The following RTKN2 variants were observed in gnomAD, a reference collection of about 807,000 sequenced individuals.
The protein encoded by RTKN2 is rhotekin 2.
In RTKN2, 69 loss-of-function variants were observed where a neutral mutation model predicts 71.5. The observed-to-expected ratio is 0.96, with a 90% CI of 0.79 to 1.18. The LOEUF (loss-of-function observed/expected upper bound fraction) is 1.18. RTKN2 is among the 50% of genes most tolerant of loss of function. RTKN2 has a pLI of 0.00. For synonymous variants in RTKN2, 236 were observed against 236.5 expected (o/e 1.00, Z 0.02); for missense variants, 724 against 719.7 (o/e 1.01, Z -0.07).
intron 7 of RTKN2, among the ~76,000 whole-genome samples, chr10:62,222,300 T>G (rs1239999615): frequency 6.6e-6 from 1 of 151,816 alleles, no homozygotes; most frequent in African/African-American, 2.4e-5. Flanking sequence ...TTTGTAGAGA[T>G]AGGGTCTCAC....
At chr10:62,200,521 TTTC>T (rs1380152691) in intron 10 of RTKN2, among the ~76,000 whole-genome samples, 1 of 152,048 alleles carries the variant, frequency 6.6e-6, no homozygotes, top group East Asian at 1.9e-4. Context: ...TGGGAAGGGT[TTTC>T]TTCTTTTGAA....
chr10:62,223,123 C>A, intron 7 of RTKN2, 115 bp downstream of exon 7: 1 of 551,104 alleles, frequency 1.8e-6, no homozygotes, highest in South Asian at 3.3e-5. Flanking sequence ...TTTAAAGAAC[C>A]AACAGAATCA....
chr10:62,220,327 A>G (rs1191602659), intron 7 of RTKN2, among the ~76,000 whole-genome samples: 1 of 152,224 alleles, frequency 6.6e-6, no homozygotes, highest in Non-Finnish European at 1.5e-5. Context: ...AGCATAATAC[A>G]TACAATTCCA....
At chr10:62,190,398 A>G (rs1370117521), downstream of RTKN2, among the ~76,000 whole-genome samples, 3 of 152,162 alleles carry the variant, frequency 2.0e-5, no homozygotes, top group Non-Finnish European at 4.4e-5. Flanking sequence ...TCCAATTACT[A>G]ATCTGTAAAA....
intron 11 of RTKN2, 24 bp from the exon 12 acceptor site, chr10:62,198,467 A>T: frequency 2.2e-6 from 3 of 1,390,116 alleles, no homozygotes; most frequent in Non-Finnish European, 2.9e-6. Flanking sequence ...AAGAAAAAAA[A>T]ACATGAAAAA....
intron 7 of RTKN2, among the ~76,000 whole-genome samples, chr10:62,218,829 TACAAAAA>T (rs1841837698): frequency 6.7e-4 from 6 of 9,002 alleles, no homozygotes; most frequent in Admixed American, 1.4e-3. Context: ...CTACTAAAAA[TACAAAAA>T]TTAGCTGGGC....
intron 7 of RTKN2, among the ~76,000 whole-genome samples, chr10:62,222,434 A>G (rs2132916904): frequency 6.6e-6 from 1 of 152,152 alleles, no homozygotes; most frequent in Admixed American, 6.5e-5. Context: ...TTTAAACTAC[A>G]TATTTACATT....
At chr10:62,200,596 T>C (rs1382403582) in intron 10 of RTKN2, among the ~76,000 whole-genome samples, 2 of 151,914 alleles carry the variant, frequency 1.3e-5, no homozygotes, top group East Asian at 1.9e-4. Context: ...TATAGTTACC[T>C]AGAAGGAAAT....
chr10:62,233,029 T>G (rs1453025320), intron 6 of RTKN2, among the ~76,000 whole-genome samples: 2 of 152,220 alleles, frequency 1.3e-5, no homozygotes, highest in African/African-American at 2.4e-5. Context: ...AGAAGCACAT[T>G]CATTGTTTTT....
intron 7 of RTKN2, among the ~76,000 whole-genome samples, chr10:62,222,812 A>G (rs1169590065): frequency 1.3e-5 from 2 of 152,190 alleles, no homozygotes; most frequent in South Asian, 2.1e-4. Context: ...AAAGAGAAAA[A>G]GGTAAACTCT....
intron 2 of RTKN2, among the ~76,000 whole-genome samples, chr10:62,259,856 T>C (rs531443014): frequency 1.6e-4 from 25 of 152,278 alleles, no homozygotes; most frequent in African/African-American, 5.8e-4. Context: ...CCGGCCTCTT[T>C]TGTAATTTTT....
At chr10:62,265,211 T>A (rs182924574) in intron 1 of RTKN2, among the ~76,000 whole-genome samples, 24 of 152,258 alleles carry the variant, frequency 1.6e-4, no homozygotes, top group Admixed American at 1.6e-3. Context: ...ATTTTTTCCT[T>A]TAGAGCAAGG....
chr10:62,194,329 A>G lies in RTKN2; in HGVS notation c.*3579T>C. ...AATAGCAATGAAGCAGTTGCACACA[A>G]ACATGTAAACATATGTAAACATTTA... On this transcript the variant is annotated 3_prime_UTR_variant, in exon 12 of 12. Coordinates refer to ENST00000373789, the MANE Select transcript of RTKN2 (RefSeq NM_145307.4). 2.0e-6 allele frequency: 2 copies of G among 984,666 alleles called. No homozygotes were observed. The highest frequency in any genetic ancestry group is 2.4e-6 in the Non-Finnish European group (2 of 829,210). The allele number at this position is 984,666 out of a possible 1,614,324, so 61.0% of individuals were successfully genotyped here.
At chr10:62,224,860 C>A (rs969831950) in intron 6 of RTKN2, among the ~76,000 whole-genome samples, 2 of 152,040 alleles carry the variant, frequency 1.3e-5, no homozygotes, top group African/African-American at 4.8e-5. Flanking sequence ...AAGCAAGCAG[C>A]AAGCATGGTG....
intron 2 of RTKN2, among the ~76,000 whole-genome samples, chr10:62,253,503 G>A (rs972401326): frequency 2.0e-5 from 3 of 152,084 alleles, no homozygotes; most frequent in African/African-American, 7.2e-5. Flanking sequence ...GAACTCCTTT[G>A]GCTAACTTTA....
In RTKN2 at chr10:62,239,756, C is replaced by T. The variant is rs147047173; in HGVS notation, c.380G>A (p.Arg127His). 3.6e-4 allele frequency: 556 copies of T among 1,559,378 alleles called. No individual in the cohort carries two copies. The highest frequency in any genetic ancestry group is 1.9e-4 in the Non-Finnish European group (216 of 1,139,176). ...TTTGAATAAACAAAAAATGGCATAG[C>T]GTCGTGATCCTGGAGGAAAAATAAC... Reference protein sequence around the residue: ...DHFSNKERSRRYAIFCLFKMG... With the variant: ...DHFSNKERSRHYAIFCLFKMG... Residue 127 changes from arginine (R) to histidine (H), a missense_variant, in exon 5 of 12, where the codon CGC (arginine) becomes CAC (histidine). Coordinates refer to ENST00000373789, the MANE Select transcript of RTKN2 (RefSeq NM_145307.4).
intron 9 of RTKN2, among the ~76,000 whole-genome samples, chr10:62,206,876 C>T (rs532599161): frequency 6.6e-6 from 1 of 151,884 alleles, no homozygotes; most frequent in South Asian, 2.1e-4. Context: ...CAACGATGCA[C>T]CTAATCATCC....
At chr10:62,207,108 G>A (rs1841564057) in intron 9 of RTKN2, among the ~76,000 whole-genome samples, 1 of 152,006 alleles carries the variant, frequency 6.6e-6, no homozygotes, top group African/African-American at 2.4e-5. Context: ...ACTACTTTTT[G>A]TATAAAGGAT....
In RTKN2 at chr10:62,193,687, G is replaced by A; in HGVS notation, c.*4221C>T. On this transcript the variant is annotated 3_prime_UTR_variant, in exon 12 of 12. Coordinates refer to ENST00000373789, the MANE Select transcript of RTKN2 (RefSeq NM_145307.4). Reference sequence around the variant, plus strand: ...GTACATTAAAATAAGGAGACTCCTTGTGGCTAGTAGCGACTGAATATCCTA... The same window carrying A: ...GTACATTAAAATAAGGAGACTCCTTATGGCTAGTAGCGACTGAATATCCTA... 1 of 984,710 alleles carries A rather than the reference G, an allele frequency of 1.0e-6. No homozygotes were observed. The highest frequency in any genetic ancestry group is 1.2e-6 in the Non-Finnish European group (1 of 829,304). The allele number at this position is 984,710 out of a possible 1,614,324, so 61.0% of individuals were successfully genotyped here.
Sources: gnomAD v4.1 joint callset for allele counts (sites outside exome capture counted in the v4.1 genomes callset) on GRCh38, gnomAD v4.1.1 for gene constraint, MANE v1.5 for transcripts, NCBI Gene and HGNC (gene_info 2026-07-23, HGNC 2026-07-21) for gene names.